Variants in PIEZO2 observed in about 807,000 individuals in gnomAD.
The protein encoded by PIEZO2 is piezo-type mechanosensitive ion channel component 2.
Under a neutral mutation model 337.3 loss-of-function variants are expected in PIEZO2, and 172 were observed. That is an observed-to-expected ratio of 0.51 (90% CI 0.45 to 0.58). PIEZO2 has a LOEUF of 0.58. Ranked by LOEUF, PIEZO2 falls within the 20% of genes least tolerant of loss-of-function variation. The pLI, the probability that PIEZO2 is intolerant of heterozygous loss-of-function variation, is 0.00. For missense variants in PIEZO2, 3,028 were observed against 3,391.3 expected, an observed-to-expected ratio of 0.89 and a Z score of 2.66; for synonymous variants, 1,251 against 1,228.5, an observed-to-expected ratio of 1.02 and a Z score of -0.38.
At chr18:10,820,762 A>G (rs1156326450) in intron 7 of PIEZO2, among the ~76,000 whole-genome samples, 1 of 152,142 alleles carries the variant, frequency 6.6e-6, no homozygotes, top group African/African-American at 2.4e-5. Flanking sequence ...TGAGTTTTAT[A>G]CTGGCAGGAA....
Position 10,805,840 on chromosome 18 carries a change from C to T in PIEZO2, c.1080+1272G>A, listed in dbSNP as rs570388882. ...CCACTGAGATGGGGGGGAGGTAGCA[C>T]ATAGGAGGAAGACAGCACCATCCTC... On this transcript the variant is annotated intron_variant, in intron 8 of 55. Transcript: ENST00000674853. Among the ~76,000 whole-genome samples, 7 of 152,320 alleles carry T rather than the reference C, an allele frequency of 4.6e-5. No homozygotes were observed. The South Asian group carries it at 8.3e-4, about 18-fold the overall frequency.
Position 10,705,468 on chromosome 18 carries a change from C to T in PIEZO2, c.5867G>A (p.Gly1956Asp), listed in dbSNP as rs2035539837. ...KAVSFEHLSFGSQDDSAGKNR... is the reference protein window; with the variant it reads ...KAVSFEHLSFDSQDDSAGKNR... ...CTTGCCTGCAGAGTCGTCCTGCGAG[C>T]CGAAGGACAGATGCTCGAAGCTCAC... Residue 1956 changes from glycine to aspartate, a missense_variant, in exon 41 of 56, where the codon GGC (glycine) becomes GAC (aspartate). Physicochemically the swap from Gly to Asp is moderately conservative, Grantham distance 94. Transcript: ENST00000674853. The T allele has an allele frequency of 6.5e-7, 1 of 1,537,108 alleles. No homozygotes were observed.
chr18:11,025,029 G>A (rs1055615877), intron 2 of PIEZO2, among the ~76,000 whole-genome samples: 22 of 151,870 alleles, frequency 1.4e-4, no homozygotes, highest in African/African-American at 3.6e-4. Context: ...AGATGGAAGC[G>A]CATTTTACAC....
intron 7 of PIEZO2, among the ~76,000 whole-genome samples, chr18:10,836,162 C>T (rs1159794780): frequency 6.6e-6 from 1 of 152,122 alleles, no homozygotes; most frequent in Non-Finnish European, 1.5e-5. Context: ...GCTCCAGGAT[C>T]ACTCCCCTTA....
intron 4 of PIEZO2, among the ~76,000 whole-genome samples, chr18:10,900,294 G>A (rs1024460360): frequency 1.3e-5 from 2 of 151,858 alleles, no homozygotes; most frequent in Admixed American, 6.6e-5. Context: ...AAGATACCTT[G>A]GCAGATCAGG....
At position 10,807,130 on chromosome 18, in the gene PIEZO2, G is replaced by C. The variant is rs1311788797; in HGVS notation, c.1062C>G (p.Ile354Met). 1.8e-5 allele frequency: 27 copies of C among 1,536,274 alleles called. No individual in the cohort carries two copies. The highest frequency in any genetic ancestry group is 2.4e-5 in the Non-Finnish European group (27 of 1,146,500). The stretch of plus-strand genomic sequence containing the variant: ...TCCTTACAAGGGGCTCTTGCAGCCA[G>C]ATGCGGATCAGAGTGGCCAGAGTGT... ...MYYTLATLIR[I>M]WLQEPLVQDE... Residue 354 changes from isoleucine (I) to methionine (M), a missense_variant, in exon 8 of 56, where the codon ATC becomes ATG. Around this residue, in one of 5 missense-constraint regions of PIEZO2, gnomAD observed 542 missense variants for 605.6 expected, o/e 0.89. Coordinates refer to ENST00000674853, the MANE Select transcript of PIEZO2 (RefSeq NM_001378183.1).
intron 4 of PIEZO2, among the ~76,000 whole-genome samples, chr18:10,886,343 T>TACACACAC (rs1555669500): frequency 4.2e-5 from 1 of 23,716 alleles, no homozygotes. Flanking sequence ...TATATATATA[T>TACACACAC]ACACACACAC....
rs2039662182 is a variant in PIEZO2 at position 11,109,300 on chromosome 18, T to G, written c.64+39225A>C. On this transcript the variant is annotated intron_variant, in intron 1 of 55. Transcript: ENST00000674853. The surrounding 1 kb of genome is among the most constrained non-coding windows in gnomAD (Gnocchi z 5.1). Reference sequence around the variant, plus strand: ...AAAGGTATTGCTGAATTAAATCACCTTAGCAAATCTCTGTGCTATGAAAAT... The same window carrying G: ...AAAGGTATTGCTGAATTAAATCACCGTAGCAAATCTCTGTGCTATGAAAAT... Among the ~76,000 whole-genome samples, 1 of 152,244 alleles carries G rather than the reference T, an allele frequency of 6.6e-6. No homozygotes were observed. The highest frequency in any genetic ancestry group is 2.1e-4 in the South Asian group (1 of 4,830).
In PIEZO2 at chr18:10,943,174, G is replaced by A. The variant is rs150419853; in HGVS notation, c.287-31946C>T. Among the ~76,000 whole-genome samples, 81 of 152,324 alleles carry A rather than the reference G, an allele frequency of 5.3e-4. No individual in the cohort carries two copies. Among genetic ancestry groups the A allele is most frequent in the African/African-American group, 1.2e-3 (50 of 41,572 alleles). On this transcript the variant is annotated intron_variant, in intron 3 of 55. Transcript: ENST00000674853. The surrounding 1 kb of genome is among the most constrained non-coding windows in gnomAD (Gnocchi z 4.5). ...GGAAATGTGGAGTCAGAGCCATGAC[G>A]CACAGTCCCTACTGGGGCACCACCT...
rs1012028557 is a variant in PIEZO2, at chr18:10,815,690, G to A, written c.918-8416C>T. Among the ~76,000 whole-genome samples the A allele has an allele frequency of 6.6e-6, 1 of 152,102 alleles. No individual in the cohort carries two copies. Among genetic ancestry groups the A allele is most frequent in the African/African-American group, 2.4e-5 (1 of 41,406 alleles). ...CAGCAACGTACCTAGATAATATTTG[G>A]GAGTGCTCTCACTCAGGAACAAGAG... On this transcript the variant is annotated intron_variant, in intron 7 of 55. Coordinates refer to ENST00000674853, the MANE Select transcript of PIEZO2 (RefSeq NM_001378183.1). This position sits in a 1 kb window ranked among gnomAD's most constrained non-coding sequence, Gnocchi z 4.1.
chr18:10,770,011 G>A (rs1424954843), intron 21 of PIEZO2, 137 bp downstream of exon 21: 3 of 910,786 alleles, frequency 3.3e-6, no homozygotes, highest in African/African-American at 1.7e-5. Context: ...TTCTGTAAGT[G>A]TAAGTACTTA....
intron 42 of PIEZO2, among the ~76,000 whole-genome samples, chr18:10,702,867 T>C (rs1056966643): frequency 2.6e-5 from 4 of 152,170 alleles, no homozygotes; most frequent in African/African-American, 9.7e-5. Flanking sequence ...TTTTATTTAT[T>C]TTTTTAGAGA....
chr18:10,999,724 A>C (rs1015698505), intron 2 of PIEZO2, among the ~76,000 whole-genome samples: 1 of 152,232 alleles, frequency 6.6e-6, no homozygotes, highest in East Asian at 1.9e-4. Context: ...GGACTACATT[A>C]GAAAAAATTT....
chr18:10,948,439 C>T (rs2033135378), intron 3 of PIEZO2, among the ~76,000 whole-genome samples: 1 of 152,162 alleles, frequency 6.6e-6, no homozygotes, highest in African/African-American at 2.4e-5. Context: ...TCACTACCAG[C>T]AAATGCCAAA....
chr18:10,671,595 C>T lies in PIEZO2; in HGVS notation c.8530G>A (p.Ala2844Thr). The T allele has an allele frequency of 6.2e-7, 1 of 1,613,850 alleles. No individual in the cohort carries two copies. Among genetic ancestry groups the T allele is most frequent in the Non-Finnish European group, 8.5e-7 (1 of 1,179,856 alleles). Residue 2844 changes from alanine (A) to threonine (T), a missense_variant, in exon 56 of 56, where the codon GCC (alanine) becomes ACC (threonine). Ala to Thr is a moderately conservative substitution (Grantham distance 58). This residue lies in a region of PIEZO2 where 332 missense variants were observed against 363.8 expected (regional missense o/e 0.91). Coordinates refer to ENST00000674853, the MANE Select transcript of PIEZO2 (RefSeq NM_001378183.1). ...GELELEEDLYAKLIFLYRSPE... is the reference protein window; with the variant it reads ...GELELEEDLYTKLIFLYRSPE... ...GAGCGATATAGGAATATTAATTTGG[C>T]ATAGAGATCTTCTTCTAGCTCCAGT...
intron 2 of PIEZO2, among the ~76,000 whole-genome samples, chr18:11,060,485 A>G (rs2037906433): frequency 6.6e-6 from 1 of 152,206 alleles, no homozygotes; most frequent in Non-Finnish European, 1.5e-5. Context: ...TTTTGAAAAG[A>G]TCAACAAAAT....
chr18:10,675,300 G>A lies in PIEZO2; in HGVS notation c.8082-12C>T, dbSNP rs1567935427. On this transcript the variant is annotated splice_polypyrimidine_tract_variant and intron_variant, in intron 53 of 55. Coordinates refer to ENST00000674853, the MANE Select transcript of PIEZO2 (RefSeq NM_001378183.1). The stretch of plus-strand genomic sequence containing the variant: ...TCTTTTCTATGGTCCTGTACATTAA[G>A]AAAAAAAAGATACAATTACGTTTTA... 4 of 1,402,324 alleles carry A rather than the reference G, an allele frequency of 2.9e-6. No homozygotes were observed. The highest frequency in any genetic ancestry group is 2.9e-6 in the Non-Finnish European group (3 of 1,044,222). The allele number at this position is 1,402,324 out of a possible 1,614,324, so 86.9% of individuals were successfully genotyped here.
chr18:11,111,067 G>A lies in PIEZO2; in HGVS notation c.64+37458C>T, dbSNP rs1317108220. ...GGGCAGACAGGGCAGAGGACAGACA[G>A]GGAGCCTCCCCAAGCACTAGGGAGG... On this transcript the variant is annotated intron_variant, in intron 1 of 55. Transcript: ENST00000674853. This position sits in a 1 kb window ranked among gnomAD's most constrained non-coding sequence, Gnocchi z 6.2. 1.3e-5 allele frequency among the ~76,000 whole-genome samples: 2 copies of A among 152,182 alleles called. No homozygotes were observed. Among genetic ancestry groups the A allele is most frequent in the African/African-American group, 4.8e-5 (2 of 41,438 alleles).
At chr18:10,961,370 C>T (rs2033772519) in intron 3 of PIEZO2, among the ~76,000 whole-genome samples, 1 of 149,014 alleles carries the variant, frequency 6.7e-6, no homozygotes, top group Non-Finnish European at 1.5e-5. Flanking sequence ...TGTGAGGACG[C>T]AAAGGCATAA....
Sources: allele counts gnomAD v4.1 joint callset (sites outside exome capture counted in the v4.1 genomes callset), GRCh38; gene constraint gnomAD v4.1.1; regional missense constraint gnomAD v4.1.1; non-coding constraint Gnocchi (gnomAD v3.1); transcripts MANE v1.5; gene names NCBI Gene and HGNC (gene_info 2026-07-23, HGNC 2026-07-21).